The following DLG4 variants were observed in gnomAD, a reference collection of about 807,000 sequenced individuals.
DLG4 encodes the protein disks large homolog 4.
Under a neutral mutation model 93.8 loss-of-function variants are expected in DLG4, and 7 were observed. The observed-to-expected ratio is 0.07, with a 90% CI of 0.04 to 0.14. DLG4 has a LOEUF of 0.14. Ranked by LOEUF, DLG4 falls within the 10% of genes least tolerant of loss-of-function variation. The probability of loss-of-function intolerance (pLI) is 1.00; values close to 1 mark genes in which losing one functional copy is unlikely to be tolerated. For synonymous variants in DLG4, 341 were observed against 387.6 expected (o/e 0.88, Z 1.41); for missense variants, 545 against 992.9 (o/e 0.55, Z 6.06).
At chr17:7,210,005 G>T (rs1317542881) in intron 1 of DLG4, among the ~76,000 whole-genome samples, 5 of 152,188 alleles carry the variant, frequency 3.3e-5, no homozygotes, top group Non-Finnish European at 5.9e-5. Flanking sequence ...TCATGCCACT[G>T]CACTCTAGCC....
At chr17:7,212,246 G>A (rs182939041) in intron 1 of DLG4, among the ~76,000 whole-genome samples, 2 of 152,154 alleles carry the variant, frequency 1.3e-5, no homozygotes, top group Admixed American at 6.5e-5. Context: ...CAGATTCCAA[G>A]GCATCTCCTA....
At chr17:7,219,018 C>T, upstream of DLG4, 1 of 694,574 alleles carries the variant, frequency 1.4e-6, no homozygotes, top group Non-Finnish European at 2.5e-6. Context: ...CTCCACACAC[C>T]CTGGCCCCCT....
At chr17:7,205,867 T>A (rs2070442140) in intron 2 of DLG4, among the ~76,000 whole-genome samples, 1 of 148,986 alleles carries the variant, frequency 6.7e-6, no homozygotes, top group African/African-American at 2.5e-5. Flanking sequence ...CCCATCCCCA[T>A]CCCTATCCTG....
Position 7,191,381 on chromosome 17 carries a change from G to C in DLG4, c.1977-23C>G. 6.2e-7 allele frequency: 1 copy of C among 1,606,588 alleles called. No individual in the cohort carries two copies. The stretch of plus-strand genomic sequence containing the variant: ...TCTCTGTGAAGAGGGAGGGAGAGCA[G>C]GCCTGAGACTGGACCCACCTGACCC... On this transcript the variant is annotated intron_variant, in intron 18 of 19. Transcript: ENST00000399506. This position sits in a 1 kb window ranked among gnomAD's most constrained non-coding sequence, Gnocchi z 6.6.
At position 7,203,177 on chromosome 17, in the gene DLG4, T is replaced by C. The variant is rs2070246699; in HGVS notation, c.642+16A>G. 3.2e-6 allele frequency: 5 copies of C among 1,584,406 alleles called. No individual in the cohort carries two copies. The South Asian group carries it at 3.4e-5, about 11-fold the overall frequency. ...CCCAAATCTGGGCTAGAAAATGGGC[T>C]AGATGGAGTCCTCACCGCCAGGATC... On this transcript the variant is annotated intron_variant, in intron 7 of 19. Coordinates refer to ENST00000399506, the MANE Select transcript of DLG4 (RefSeq NM_001321075.3). The surrounding 1 kb of genome is among the most constrained non-coding windows in gnomAD (Gnocchi z 7.2).
chr17:7,218,052 G>A (rs923664687), upstream of DLG4, among the ~76,000 whole-genome samples: 3 of 151,852 alleles, frequency 2.0e-5, no homozygotes, highest in African/African-American at 7.3e-5. Context: ...CAAAGAAAAC[G>A]AGGAAGAAAG....
chr17:7,192,618 G>A (rs1307015497), intron 17 of DLG4, among the ~76,000 whole-genome samples: 2 of 151,524 alleles, frequency 1.3e-5, no homozygotes, highest in African/African-American at 4.9e-5. Context: ...AGGAAAAAGG[G>A]AGGGACCCAG....
intron 1 of DLG4, among the ~76,000 whole-genome samples, chr17:7,210,586 C>T (rs1039896192): frequency 2.6e-5 from 4 of 152,206 alleles, no homozygotes; most frequent in African/African-American, 7.2e-5. Context: ...AGGTGGTCTT[C>T]TACCTGGGCA....
rs1597484630 is a variant in DLG4, at chr17:7,208,085, G to A, written c.96+89C>T. ...ACCAGGGTCTCCTACCTTGAAGGGGGAGAGGTGGGCGTGGCCCACGACCCC... is the reference window on the plus strand; with the variant it reads ...ACCAGGGTCTCCTACCTTGAAGGGGAAGAGGTGGGCGTGGCCCACGACCCC... On this transcript the variant is annotated intron_variant, in intron 2 of 19. Coordinates refer to ENST00000399506, the MANE Select transcript of DLG4 (RefSeq NM_001321075.3). The surrounding 1 kb of genome is among the most constrained non-coding windows in gnomAD (Gnocchi z 5.4). 7.6e-7 allele frequency: 1 copy of A among 1,315,710 alleles called. No homozygotes were observed. The highest frequency in any genetic ancestry group is 9.8e-7 in the Non-Finnish European group (1 of 1,023,588). The allele number at this position is 1,315,710 out of a possible 1,614,324, so 81.5% of individuals were successfully genotyped here. A position where few individuals can be genotyped will look rare whatever the true frequency, so the allele number is the denominator to read the frequency against.
intron 2 of DLG4, among the ~76,000 whole-genome samples, chr17:7,206,878 A>G (rs1428858551): frequency 6.6e-6 from 1 of 151,536 alleles, no homozygotes; most frequent in East Asian, 1.9e-4. Flanking sequence ...ATCCCACAAC[A>G]TCCTAGAATC....
intron 1 of DLG4, among the ~76,000 whole-genome samples, chr17:7,213,091 CTTTCTTTTTTTTT>C (rs2070771892): frequency 3.0e-5 from 3 of 99,538 alleles, no homozygotes; most frequent in African/African-American, 8.1e-5. Context: ...TTCTTTCTTT[CTTTCTTTTTTTTT>C]TTTTTTTTTT....
At chr17:7,202,398 A>G (rs1438055077) in intron 8 of DLG4, among the ~76,000 whole-genome samples, 4 of 152,182 alleles carry the variant, frequency 2.6e-5, no homozygotes, top group African/African-American at 9.7e-5. Flanking sequence ...TCATATTAAG[A>G]GATTTCCTAA....
Position 7,195,015 on chromosome 17 carries a change from T to A in DLG4, c.1302-520A>T. The stretch of plus-strand genomic sequence containing the variant: ...GCCTGGGCAACGGAGCGAGACACCG[T>A]CTCAAAAAAAAAAAAAAAGAAAAAG... On this transcript the variant is annotated intron_variant, in intron 11 of 19. Transcript: ENST00000399506. This position sits in a 1 kb window ranked among gnomAD's most constrained non-coding sequence, Gnocchi z 4.3. Among the ~76,000 whole-genome samples, 2 of 128,366 alleles carry A rather than the reference T, an allele frequency of 1.6e-5. No individual in the cohort carries two copies. Among genetic ancestry groups the A allele is most frequent in the African/African-American group, 3.0e-5 (1 of 33,024 alleles). The allele number at this position is 128,366 out of a possible 152,430, so 84.2% of individuals were successfully genotyped here.
chr17:7,196,514 G>T lies in DLG4; in HGVS notation c.1145C>A (p.Ala382Glu). Reference sequence around the variant, plus strand: ...AGCGATGATCGTGACCGTCTGACCCGCATTCTTCAGGGCAATGGCAGCCTG... The same window carrying T: ...AGCGATGATCGTGACCGTCTGACCCTCATTCTTCAGGGCAATGGCAGCCTG... ...HEQAAIALKNAGQTVTIIAQY... is the reference protein window; with the variant it reads ...HEQAAIALKNEGQTVTIIAQY... The change falls in exon 10 of 20, where the codon GCG becomes GAG. Residue 382 changes from alanine to glutamate, a missense_variant. Physicochemically the swap from Ala to Glu is moderately radical, Grantham distance 107. Around this residue, in one of 5 missense-constraint regions of DLG4, gnomAD observed 428 missense variants for 741.4 expected, o/e 0.58. Coordinates refer to ENST00000399506, the MANE Select transcript of DLG4 (RefSeq NM_001321075.3). This position sits in a 1 kb window ranked among gnomAD's most constrained non-coding sequence, Gnocchi z 8.3. 6.2e-7 allele frequency: 1 copy of T among 1,614,020 alleles called. No homozygotes were observed. Among genetic ancestry groups the T allele is most frequent in the Non-Finnish European group, 8.5e-7 (1 of 1,179,896 alleles).
upstream of DLG4, chr17:7,219,003 T>C (rs914031829): frequency 3.9e-6 from 3 of 765,734 alleles, no homozygotes; most frequent in Non-Finnish European, 6.6e-6. Context: ...ACCGCCACCA[T>C]CTTGCTCCAC....
upstream of DLG4, chr17:7,217,632 A>T (rs1438124761): frequency 1.8e-6 from 2 of 1,133,244 alleles, no homozygotes; most frequent in African/African-American, 4.6e-5. Context: ...AGGAGGAGAG[A>T]GGAAGCAGGG....
At position 7,203,341 on chromosome 17, in the gene DLG4, G is replaced by A. The variant is rs768190801; in HGVS notation, c.506-12C>T. On this transcript the variant is annotated splice_polypyrimidine_tract_variant and intron_variant, in intron 6 of 19. Transcript: ENST00000399506. This position sits in a 1 kb window ranked among gnomAD's most constrained non-coding sequence, Gnocchi z 7.2. ...GCTGAAGCCAAGACCTGGATGGAGG[G>A]GAGGCCAGAGGTGGGTGCCCAGGAA... The A allele has an allele frequency of 2.5e-5, 39 of 1,591,524 alleles. 1 individual carries two copies. The South Asian group carries it at 4.3e-4, about 18-fold the overall frequency.
In DLG4 at chr17:7,208,077, T is replaced by C. The variant is rs889055253; in HGVS notation, c.96+97A>G. On this transcript the variant is annotated intron_variant, in intron 2 of 19. Transcript: ENST00000399506. The surrounding 1 kb of genome is among the most constrained non-coding windows in gnomAD (Gnocchi z 5.4). ...AGGGGGCCACCAGGGTCTCCTACCTTGAAGGGGGAGAGGTGGGCGTGGCCC... is the reference window on the plus strand; with the variant it reads ...AGGGGGCCACCAGGGTCTCCTACCTCGAAGGGGGAGAGGTGGGCGTGGCCC... 2.7e-5 allele frequency: 36 copies of C among 1,312,466 alleles called. No homozygotes were observed. Among genetic ancestry groups the C allele is most frequent in the Non-Finnish European group, 3.4e-5 (35 of 1,022,246 alleles). 81.3% of individuals were successfully genotyped at this position (1,312,466 alleles called of 1,614,324 possible).
At position 7,193,827 on chromosome 17, in the gene DLG4, GAACT is replaced by G. The variant is rs764035793; in HGVS notation, c.1543+13_1543+16del. 2.5e-6 allele frequency: 4 copies of G among 1,612,762 alleles called. No homozygotes were observed. The African/African-American group carries it at 5.3e-5, about 22-fold the overall frequency. On this transcript the variant is annotated intron_variant, in intron 14 of 19. Coordinates refer to ENST00000399506, the MANE Select transcript of DLG4 (RefSeq NM_001321075.3). The surrounding 1 kb of genome is among the most constrained non-coding windows in gnomAD (Gnocchi z 6.7). ...GTGCTCCTCTCACCCACATCTTCCCGAACTAACCCTACCTACCCTGCGATCCAGA... is the reference window on the plus strand; with the variant it reads ...GTGCTCCTCTCACCCACATCTTCCCGAACCCTACCTACCCTGCGATCCAGA...
Sources: gnomAD v4.1 joint callset for allele counts (sites outside exome capture counted in the v4.1 genomes callset) on GRCh38, gnomAD v4.1.1 for gene constraint, gnomAD v4.1.1 regional missense constraint, Gnocchi (gnomAD v3.1) non-coding constraint, MANE v1.5 for transcripts, NCBI Gene and HGNC (gene_info 2026-07-23, HGNC 2026-07-21) for gene names.